Variants in DCUN1D2 observed in about 807,000 individuals in gnomAD.
DCUN1D2 encodes DCN1-like protein 2.
A neutral mutation model predicts 30.9 loss-of-function variants in DCUN1D2; 29 were observed. The observed-to-expected ratio is 0.94, with a 90% confidence interval of 0.70 to 1.28. The LOEUF is 1.28. DCUN1D2 is among the 50% of genes most tolerant of loss of function. The pLI is 0.00. For synonymous variants in DCUN1D2, 121 were observed against 115.3 expected (o/e 1.05, Z -0.32); for missense variants, 325 against 316.9 (o/e 1.03, Z -0.19).
Position 113,461,074 on chromosome 13 carries a change from G to T in DCUN1D2, c.583C>A (p.Leu195Ile). The T allele has an allele frequency of 6.2e-7, 1 of 1,608,964 alleles. No individual in the cohort carries two copies. Among genetic ancestry groups the T allele is most frequent in the Non-Finnish European group, 8.5e-7 (1 of 1,176,142 alleles). The change falls in exon 5 of 7, where the codon CTC becomes ATC. Residue 195 changes from leucine (L) to isoleucine (I), a missense_variant. Physicochemically the swap from Leu to Ile is conservative, Grantham distance 5 (BLOSUM62 2). Coordinates refer to ENST00000478244, the MANE Select transcript of DCUN1D2 (RefSeq NM_001014283.2). ...CTTACCATTAAGAATGTGTTCCAGA[G>T]ATCTAAAAATTTAAACCTTCCAGAT... ...VLSGRFKFLD[L>I]WNTFLMEHHK...
intron 4 of DCUN1D2, among the ~76,000 whole-genome samples, chr13:113,463,406 AGCTG>A (rs1485669576): frequency 5.3e-5 from 8 of 152,108 alleles, no homozygotes; most frequent in Admixed American, 2.0e-4. Context: ...AGATTCTCAA[AGCTG>A]GCCGGGCACA....
intron 2 of DCUN1D2, among the ~76,000 whole-genome samples, chr13:113,480,975 A>G (rs1041080270): frequency 6.0e-5 from 3 of 50,116 alleles, no homozygotes; most frequent in East Asian, 4.6e-4. Context: ...GGTTTTAGGG[A>G]AAAAAAAAAA....
intron 3 of DCUN1D2, among the ~76,000 whole-genome samples, chr13:113,477,299 T>C (rs1336111411): frequency 6.6e-6 from 1 of 152,254 alleles, no homozygotes; most frequent in Non-Finnish European, 1.5e-5. Flanking sequence ...TCTTCTTTCC[T>C]GTCTCTCGAT....
chr13:113,471,739 G>A (rs554709792), intron 4 of DCUN1D2, among the ~76,000 whole-genome samples: 106 of 152,326 alleles, frequency 7.0e-4, no homozygotes, highest in African/African-American at 2.3e-3. Flanking sequence ...CCAGAAGAAA[G>A]TGGAGCGACA....
intron 4 of DCUN1D2, among the ~76,000 whole-genome samples, chr13:113,470,592 C>CTA (rs2139700225): frequency 6.7e-6 from 1 of 150,028 alleles, no homozygotes; most frequent in East Asian, 2.0e-4. Flanking sequence ...GAACCCAACT[C>CTA]CAGAAGACCC....
chr13:113,474,280 T>C (rs1421430924), intron 3 of DCUN1D2, 26 bp from the exon 4 acceptor site: 2 of 1,610,692 alleles, frequency 1.2e-6, no homozygotes, highest in Non-Finnish European at 1.7e-6. Flanking sequence ...GTGGTTTGTC[T>C]TGCAGCAGAT....
chr13:113,465,776 C>T (rs1297960597), intron 4 of DCUN1D2, among the ~76,000 whole-genome samples: 1 of 151,664 alleles, frequency 6.6e-6, no homozygotes, highest in Non-Finnish European at 1.5e-5. Flanking sequence ...AAGTAATCCT[C>T]TTGCCTCAGC....
rs1178034408 is a variant in DCUN1D2 at position 113,461,054 on chromosome 13, C to A, written c.603G>T (p.Met201Ile). The A allele has an allele frequency of 1.6e-5, 25 of 1,598,804 alleles. No homozygotes were observed. Among genetic ancestry groups the A allele is most frequent in the Non-Finnish European group, 2.1e-5 (24 of 1,167,620 alleles). ...CAGCGAGATGCAGGAGGACACTTAC[C>A]ATTAAGAATGTGTTCCAGAGATCTA... The part of the protein sequence containing the change: ...KFLDLWNTFL[M>I]EHHKRSIPRD... The change falls in exon 5 of 7, where the codon ATG (methionine) becomes ATT (isoleucine). Residue 201 changes from methionine to isoleucine, a missense_variant and splice_region_variant. Physicochemically the swap from Met to Ile is conservative, Grantham distance 10. Transcript: ENST00000478244.
intron 4 of DCUN1D2, among the ~76,000 whole-genome samples, chr13:113,472,010 G>A (rs1044526488): frequency 2.6e-5 from 4 of 152,214 alleles, no homozygotes; most frequent in South Asian, 2.1e-4. Flanking sequence ...GTTTTAAGTC[G>A]GGGGAGAGTG....
At chr13:113,460,560 T>C (rs1307100304) in intron 5 of DCUN1D2, among the ~76,000 whole-genome samples, 1 of 152,174 alleles carries the variant, frequency 6.6e-6, no homozygotes, top group Non-Finnish European at 1.5e-5. Flanking sequence ...AGGCCTCTTT[T>C]CCTCCTGAGC....
intron 2 of DCUN1D2, among the ~76,000 whole-genome samples, chr13:113,482,897 C>T (rs1198120527): frequency 3.3e-5 from 5 of 152,198 alleles, no homozygotes; most frequent in Non-Finnish European, 5.9e-5. Context: ...GAGCCGAGAT[C>T]ATACCACTGC....
Position 113,480,692 on chromosome 13 carries a change from T to C in DCUN1D2, c.272A>G (p.Asp91Gly), listed in dbSNP as rs759273925. ...IGVDGIQQFC[D>G]DLSLDPASIS... ...ACTGGCAGGATCCAGGCTCAGATCA[T>C]CACAAAACTGTTGAATCCCATCGAC... is the stretch of plus-strand genomic sequence containing the variant. Residue 91 changes from aspartate to glycine, a missense_variant, in exon 3 of 7, where the codon GAT (aspartate) becomes GGT (glycine). Physicochemically the swap from Asp to Gly is moderately conservative, Grantham distance 94. Transcript: ENST00000478244. 3 of 1,613,984 alleles carry C rather than the reference T, an allele frequency of 1.9e-6. No individual in the cohort carries two copies. Among genetic ancestry groups the C allele is most frequent in the African/African-American group, 2.7e-5 (2 of 74,930 alleles).
At chr13:113,465,513 C>A (rs1306380481) in intron 4 of DCUN1D2, among the ~76,000 whole-genome samples, 26 of 148,810 alleles carry the variant, frequency 1.7e-4, no homozygotes, top group East Asian at 3.9e-4. Flanking sequence ...AAAAAAAAAA[C>A]AAACAAACCC....
At chr13:113,463,829 G>C (rs921835064) in intron 4 of DCUN1D2, among the ~76,000 whole-genome samples, 3 of 151,838 alleles carry the variant, frequency 2.0e-5, no homozygotes, top group African/African-American at 7.3e-5. Flanking sequence ...CACACACACA[G>C]ACACAGACAC....
chr13:113,471,253 T>TCCACAGAAGACCCAACTC (rs2044508814), intron 4 of DCUN1D2, among the ~76,000 whole-genome samples: 2 of 54,486 alleles, frequency 3.7e-5, no homozygotes, highest in Non-Finnish European at 7.4e-5. Context: ...AGACCCAACT[T>TCCACAGAAGACCCAACTC]CACAAGGGAC....
chr13:113,470,369 G>A (rs1476983328), intron 4 of DCUN1D2, among the ~76,000 whole-genome samples: 1 of 152,176 alleles, frequency 6.6e-6, no homozygotes. Context: ...AGAACCTATC[G>A]CTGCCATTAT....
In DCUN1D2 at chr13:113,490,163, C is replaced by T. The variant is rs532725289; in HGVS notation, c.3+504G>A. 7.2e-4 allele frequency among the ~76,000 whole-genome samples: 109 copies of T among 152,344 alleles called. No homozygotes were observed. Among genetic ancestry groups the T allele is most frequent in the Admixed American group, 6.4e-3 (98 of 15,310 alleles). On this transcript the variant is annotated intron_variant, in intron 1 of 6. Transcript: ENST00000478244. This position sits in a 1 kb window ranked among gnomAD's most constrained non-coding sequence, Gnocchi z 5.2. The stretch of plus-strand genomic sequence containing the variant: ...CCACGCTACAGCTCCCGGCTAGAGC[C>T]CGCGCTAGGGCCCCGCTGTGCCTCT...
chr13:113,474,313 T>G, intron 3 of DCUN1D2, 59 bp from the exon 4 acceptor site: 5 of 1,593,556 alleles, frequency 3.1e-6, no homozygotes, highest in Non-Finnish European at 4.3e-6. Flanking sequence ...TCGACTCCCC[T>G]TGTGCCCTGT....
intron 3 of DCUN1D2, among the ~76,000 whole-genome samples, chr13:113,480,009 G>C (rs1278802092): frequency 6.6e-6 from 1 of 152,180 alleles, no homozygotes; most frequent in Non-Finnish European, 1.5e-5. Context: ...GTCCACTGTT[G>C]ACCGAAATGT....
Sources: allele counts gnomAD v4.1 joint callset (sites outside exome capture counted in the v4.1 genomes callset), GRCh38; gene constraint gnomAD v4.1.1; non-coding constraint Gnocchi (gnomAD v3.1); transcripts MANE v1.5; gene names NCBI Gene and HGNC (gene_info 2026-07-23, HGNC 2026-07-21).